Variants in RASSF1 observed in about 807,000 individuals in gnomAD.
The protein encoded by RASSF1 is Ras association domain family member 1.
RASSF1 carries 33 observed loss-of-function variants against 34.3 expected under a neutral mutation model. The ratio of observed to expected loss-of-function variants is 0.96; its 90% confidence interval spans 0.73 to 1.29. The LOEUF is 1.29. Among genes scored for constraint, RASSF1 ranks in the 50% most tolerant of loss-of-function variants. The pLI is 0.00. For missense variants in RASSF1, 445 were observed against 471.8 expected (o/e 0.94, Z 0.53); for synonymous variants, 191 against 195.0 (o/e 0.98, Z 0.17).
At position 50,332,125 on chromosome 3, in the gene RASSF1, G is replaced by C. The variant is rs76335415; in HGVS notation, c.387C>G (p.Asp129Glu). The C allele has an allele frequency of 1.8e-3, 2,953 of 1,614,156 alleles. 41 individuals are homozygous for C. The African/African-American group carries it at 0.036, about 19-fold the overall frequency. The change falls in exon 3 of 6, where the codon GAC becomes GAG. Residue 129 changes from aspartate to glutamate, a missense_variant. Coordinates refer to ENST00000359365, the MANE Select transcript of RASSF1 (RefSeq NM_007182.5). ...TCTGCTCAATCTCAGCTTGAGAAAGGTCAGGTGTCTCCCACTCCACAGGCT... is the reference window on the plus strand; with the variant it reads ...TCTGCTCAATCTCAGCTTGAGAAAGCTCAGGTGTCTCCCACTCCACAGGCT... ...VDEPVEWETPDLSQAEIEQKI... is the reference protein window; with the variant it reads ...VDEPVEWETPELSQAEIEQKI...
intron 2 of RASSF1, chr3:50,337,646 G>T: frequency 1.1e-6 from 1 of 913,852 alleles, no homozygotes; most frequent in Non-Finnish European, 1.6e-6. Context: ...GGAGGCGAGG[G>T]CGGGAAGGTG....
chr3:50,338,979 G>A (rs587679065), intron 1 of RASSF1, among the ~76,000 whole-genome samples: 4 of 152,130 alleles, frequency 2.6e-5, no homozygotes, highest in Non-Finnish European at 5.9e-5. Context: ...CATATCTCAC[G>A]ATGAAGTCTG....
intron 2 of RASSF1, among the ~76,000 whole-genome samples, chr3:50,332,837 G>T (rs587750151): frequency 6.6e-6 from 1 of 152,184 alleles, no homozygotes; most frequent in Non-Finnish European, 1.5e-5. Flanking sequence ...GCTCACGCCT[G>T]TAATTCTAGC....
At chr3:50,338,157 C>T in intron 1 of RASSF1, 146 bp from the exon 2 acceptor site, 2 of 1,443,426 alleles carry the variant, frequency 1.4e-6, no homozygotes, top group Non-Finnish European at 1.8e-6. Context: ...CACTGCTACG[C>T]GGACTCTAAT....
At chr3:50,332,520 C>T (rs915734280) in intron 2 of RASSF1, among the ~76,000 whole-genome samples, 10 of 152,142 alleles carry the variant, frequency 6.6e-5, no homozygotes, top group African/African-American at 2.4e-4. Flanking sequence ...GGTGTGGTGG[C>T]TCACATCTGC....
chr3:50,337,666 C>A (rs1703206407), intron 2 of RASSF1: 7 of 896,520 alleles, frequency 7.8e-6, no homozygotes, highest in Non-Finnish European at 1.2e-5. Context: ...GCGGGAAGTG[C>A]GCGTGCGCGG....
Position 50,337,948 on chromosome 3 carries a change from C to G in RASSF1, c.314G>C (p.Arg105Pro). 6.2e-7 allele frequency: 1 copy of G among 1,611,880 alleles called. No individual in the cohort carries two copies. Among genetic ancestry groups the G allele is most frequent in the South Asian group, 1.1e-5 (1 of 90,626 alleles). The change falls in exon 2 of 6, where the codon CGG becomes CCG. Residue 105 changes from arginine to proline, a missense_variant. Coordinates refer to ENST00000359365, the MANE Select transcript of RASSF1 (RefSeq NM_007182.5). ...CACCGCGGGTTCCCAGCCCAGGTCC[C>G]GGGGCCCGCAACAGTCCAGGCAGAC... ...ALVCLDCCGP[R>P]DLGWEPAVER... is the part of the protein sequence containing the mutation.
chr3:50,331,965 A>T (rs1702962513), intron 3 of RASSF1, 85 bp downstream of exon 3: 17 of 1,568,254 alleles, frequency 1.1e-5, no homozygotes, highest in Non-Finnish European at 1.5e-5. Context: ...CACCCAAGAT[A>T]ACCTCAGTTG....
chr3:50,340,026 G>A (rs1014029183), intron 1 of RASSF1, among the ~76,000 whole-genome samples: 1 of 152,160 alleles, frequency 6.6e-6, no homozygotes, highest in Non-Finnish European at 1.5e-5. Flanking sequence ...GGGTGCAGAA[G>A]GACTGCTGGG....
At chr3:50,335,473 T>G (rs1198697944) in intron 2 of RASSF1, among the ~76,000 whole-genome samples, 1 of 152,042 alleles carries the variant, frequency 6.6e-6, no homozygotes. Context: ...CACACCACCA[T>G]GGCCAGATAA....
intron 2 of RASSF1, chr3:50,337,641 C>T: frequency 1.0e-6 from 1 of 981,600 alleles, no homozygotes; most frequent in Non-Finnish European, 1.5e-6. Flanking sequence ...TGGCCGGAGG[C>T]GAGGGCGGGA....
chr3:50,331,223 C>T, intron 5 of RASSF1, 111 bp downstream of exon 5: 1 of 852,890 alleles, frequency 1.2e-6, no homozygotes, highest in East Asian at 2.8e-5. Context: ...ACTCCTGGAA[C>T]TGTTTTGCAG....
At chr3:50,333,029 G>A (rs1466811774) in intron 2 of RASSF1, among the ~76,000 whole-genome samples, 1 of 151,960 alleles carries the variant, frequency 6.6e-6, no homozygotes, top group Non-Finnish European at 1.5e-5. Flanking sequence ...GGGAGGTGGA[G>A]GTTGCAGTGA....
At chr3:50,337,350 C>T (rs1412260089) in intron 2 of RASSF1, 3 of 1,605,038 alleles carry the variant, frequency 1.9e-6, no homozygotes, top group East Asian at 2.2e-5. Flanking sequence ...CAGTCCTGCG[C>T]GTCCGTAGCC....
At chr3:50,331,046 C>CT (rs1326902883) in intron 5 of RASSF1, among the ~76,000 whole-genome samples, 1 of 152,214 alleles carries the variant, frequency 6.6e-6, no homozygotes, top group African/African-American at 2.4e-5. Context: ...GGTAAAAAGT[C>CT]TGAAGGGGGC....
intron 2 of RASSF1, chr3:50,337,339 C>G (rs1290472116): frequency 4.4e-6 from 7 of 1,609,022 alleles, no homozygotes; most frequent in Admixed American, 1.7e-5. Context: ...CGCCCGTCCC[C>G]CAGTCCTGCG....
rs1340332702 is a variant in RASSF1 at position 50,331,270 on chromosome 3, A to T, written c.876+64T>A. On this transcript the variant is annotated intron_variant, in intron 5 of 5. Transcript: ENST00000359365. ...CAGCACAATTCCTCCTCCAAGCCTT[A>T]CTGTAGCTACAGCCCATCAGTCCTG... The T allele has an allele frequency of 4.8e-6, 6 of 1,243,326 alleles. No individual in the cohort carries two copies. In the African/African-American group the frequency reaches 7.6e-5, roughly 16 times the overall value. 77.0% of individuals were successfully genotyped at this position (1,243,326 alleles called of 1,614,324 possible). A position where few individuals can be genotyped will look rare whatever the true frequency, so the allele number is the denominator to read the frequency against.
chr3:50,338,071 T>G, intron 1 of RASSF1, 60 bp from the exon 2 acceptor site: 1 of 1,537,346 alleles, frequency 6.5e-7, no homozygotes, highest in Non-Finnish European at 8.8e-7. Flanking sequence ...GTCCCGGAGA[T>G]TGAAGGGAAG....
intron 2 of RASSF1, among the ~76,000 whole-genome samples, chr3:50,335,313 C>CTTT (rs906428880): frequency 1.0e-3 from 110 of 107,932 alleles, no homozygotes; most frequent in East Asian, 3.2e-3. Context: ...CCTATTCTTT[C>CTTT]TTTTTTTTTT....
Sources: gnomAD v4.1 joint callset for allele counts (sites outside exome capture counted in the v4.1 genomes callset) on GRCh38, gnomAD v4.1.1 for gene constraint, MANE v1.5 for transcripts, NCBI Gene and HGNC (gene_info 2026-07-23, HGNC 2026-07-21) for gene names.